Variants in LY75 observed in about 807,000 individuals in gnomAD.
LY75 encodes the protein C-type lectin domain family 13 member B.
LY75 carries 185 observed loss-of-function variants against 231.7 expected under a neutral mutation model. The ratio of observed to expected loss-of-function variants is 0.80; its 90% CI spans 0.71 to 0.90. The LOEUF (loss-of-function observed/expected upper bound fraction) is 0.90. Among genes scored for constraint, LY75 ranks in the 40% least tolerant of loss-of-function variants. The probability of loss-of-function intolerance (pLI) is 0.00; values close to 1 mark genes in which losing one functional copy is unlikely to be tolerated. For missense variants in LY75, 1,947 were observed against 2,050.2 expected (o/e 0.95, Z 0.97); for synonymous variants, 668 against 689.0 (o/e 0.97, Z 0.48).
intron 32 of LY75, among the ~76,000 whole-genome samples, chr2:159,809,112 G>T (rs749232724): frequency 7.2e-5 from 11 of 152,138 alleles, no homozygotes; most frequent in Non-Finnish European, 1.0e-4. Context: ...CCACACAAAA[G>T]TTCCCGGTAA....
At chr2:159,885,782 C>T (rs1685565745) in intron 5 of LY75, among the ~76,000 whole-genome samples, 1 of 152,106 alleles carries the variant, frequency 6.6e-6, no homozygotes, top group African/African-American at 2.4e-5. Flanking sequence ...TTGCTCTTAA[C>T]TCAGTTTTCC....
chr2:159,854,815 G>C lies in LY75; in HGVS notation c.2419+89C>G, dbSNP rs1316317220. ...ATTTTGTCTCACTTGAAGATGTATA[G>C]AGAAGAAGCTGGCACTTAAATAATT... On this transcript the variant is annotated intron_variant, in intron 17 of 34. Coordinates refer to ENST00000263636, the MANE Select transcript of LY75 (RefSeq NM_002349.4). 4 of 1,540,842 alleles carry C rather than the reference G, an allele frequency of 2.6e-6. No individual in the cohort carries two copies. The East Asian group carries it at 9.5e-5, about 37-fold the overall frequency.
At chr2:159,850,773 C>CAT (rs67887100) in intron 21 of LY75, among the ~76,000 whole-genome samples, 3,939 of 27,044 alleles carry the variant, frequency 0.15, 488 homozygotes, top group African/African-American at 0.27. Context: ...TTCAAACTTT[C>CAT]ATATATATAT....
intron 28 of LY75, among the ~76,000 whole-genome samples, chr2:159,822,443 C>G (rs1683327181): frequency 6.6e-6 from 1 of 152,212 alleles, no homozygotes; most frequent in African/African-American, 2.4e-5. Context: ...CTGGGTGGAG[C>G]CCACTGCAGC....
chr2:159,900,268 G>A (rs988775346), intron 1 of LY75, among the ~76,000 whole-genome samples: 2 of 152,328 alleles, frequency 1.3e-5, no homozygotes, highest in Admixed American at 1.3e-4. Flanking sequence ...TGAAAATAAA[G>A]TAATGCATTG....
intron 28 of LY75, among the ~76,000 whole-genome samples, chr2:159,826,930 C>T (rs1401798163): frequency 2.0e-5 from 3 of 152,120 alleles, no homozygotes; most frequent in African/African-American, 7.2e-5. Context: ...CTGGACCCCC[C>T]TTCCTCACAC....
intron 13 of LY75, 149 bp downstream of exon 13, chr2:159,872,302 T>C: frequency 1.0e-6 from 1 of 972,412 alleles, no homozygotes; most frequent in Non-Finnish European, 1.5e-6. Context: ...GTGCTTAATG[T>C]TCCATGACTG....
rs1683668669 is a variant in LY75 at position 159,831,794 on chromosome 2, A to G, written c.3842-8T>C. 3 of 1,588,474 alleles carry G rather than the reference A, an allele frequency of 1.9e-6. No homozygotes were observed. The highest frequency in any genetic ancestry group is 1.2e-5 in the South Asian group (1 of 86,730). On this transcript the variant is annotated splice_region_variant and splice_polypyrimidine_tract_variant and intron_variant, in intron 27 of 34. Coordinates refer to ENST00000263636, the MANE Select transcript of LY75 (RefSeq NM_002349.4). ...GAATATGTGATTTTGGATCTGTTGA[A>G]TAAAAAATAATCAATAATTTTAACA...
rs778067734 is a variant in LY75, at chr2:159,872,542, G to A, written c.2026C>T (p.Arg676Ter). 58 of 1,613,808 alleles carry A rather than the reference G, an allele frequency of 3.6e-5. No individual in the cohort carries two copies. Among genetic ancestry groups the A allele is most frequent in the Admixed American group, 5.0e-5 (3 of 59,966 alleles). The change falls in exon 13 of 35, where the codon CGA (arginine) becomes TGA (stop). Residue 676 changes from arginine (R) to a stop codon, truncating the protein, a stop_gained. Transcript: ENST00000263636. LOFTEE classifies it high-confidence loss of function. ...TGTGCTCCAAGGGCTTGGCAGAATC[G>A]TTCAGCTTCTTCCCAGTTCCTCTTT... ...VRKRNWEEAE[R>*]FCQALGAHLS... is the part of the protein sequence containing the mutation.
chr2:159,813,502 A>G (rs538891247), intron 31 of LY75, among the ~76,000 whole-genome samples: 3 of 152,158 alleles, frequency 2.0e-5, no homozygotes, highest in African/African-American at 7.2e-5. Flanking sequence ...ATTGGTTTTC[A>G]TTGGAGGCTG....
Position 159,835,476 on chromosome 2 carries a change from A to T in LY75, c.3673+4T>A. The T allele has an allele frequency of 1.9e-6, 3 of 1,583,344 alleles. No homozygotes were observed. The highest frequency in any genetic ancestry group is 2.6e-6 in the Non-Finnish European group (3 of 1,168,776). On this transcript the variant is annotated splice_donor_region_variant and intron_variant, in intron 26 of 34. Transcript: ENST00000263636. ...AAGAATTAAAAGATCTGAAATTCAC[A>T]TACTTCCTGAATAGTAGCAAATAGC...
rs78351165 is a variant in LY75, at chr2:159,813,243, A to T, written c.4549+2162T>A. Among the ~76,000 whole-genome samples the T allele has an allele frequency of 5.0e-3, 755 of 152,008 alleles. 8 individuals are homozygous for T. Among genetic ancestry groups the T allele is most frequent in the African/African-American group, 0.017 (715 of 41,468 alleles). On this transcript the variant is annotated intron_variant, in intron 31 of 34. Coordinates refer to ENST00000263636, the MANE Select transcript of LY75 (RefSeq NM_002349.4). ...GAAGAATTGCCACACCATTTTGCAC[A>T]GTGGTTACACTGTTTTATATTCCTA... is the stretch of plus-strand genomic sequence containing the variant.
At chr2:159,858,260 A>G in intron 16 of LY75, 102 bp downstream of exon 16, 6 of 1,411,498 alleles carry the variant, frequency 4.3e-6, no homozygotes, top group Non-Finnish European at 5.7e-6. Flanking sequence ...ATAGGCTTTT[A>G]GACATCAGAA....
rs1317029539 is a variant in LY75 at position 159,808,548 on chromosome 2, T to C, written c.4723A>G (p.Ile1575Val). Residue 1575 changes from isoleucine (I) to valine (V), a missense_variant, in exon 33 of 35, where the codon ATA (isoleucine) becomes GTA (valine). Coordinates refer to ENST00000263636, the MANE Select transcript of LY75 (RefSeq NM_002349.4). ...KHDHSATIVSIKDEDENKFVS... is the reference protein window; with the variant it reads ...KHDHSATIVSVKDEDENKFVS... ...AATTTATTCTCATCTTCATCTTTTATGGAAACGATAGTTGCAGAGTGATCT... is the reference window on the plus strand; with the variant it reads ...AATTTATTCTCATCTTCATCTTTTACGGAAACGATAGTTGCAGAGTGATCT... The C allele has an allele frequency of 1.9e-6, 3 of 1,613,704 alleles. No individual in the cohort carries two copies. Among genetic ancestry groups the C allele is most frequent in the Non-Finnish European group, 1.7e-6 (2 of 1,179,952 alleles).
chr2:159,868,943 T>G lies in LY75; in HGVS notation c.2117+3508A>C, dbSNP rs555959110. Among the ~76,000 whole-genome samples, 242 of 152,166 alleles carry G rather than the reference T, an allele frequency of 1.6e-3. 1 individual carries two copies. Among genetic ancestry groups the G allele is most frequent in the Non-Finnish European group, 1.9e-3 (127 of 68,000 alleles). On this transcript the variant is annotated intron_variant, in intron 13 of 34. Coordinates refer to ENST00000263636, the MANE Select transcript of LY75 (RefSeq NM_002349.4). ...TATTTGAAAGGCCATGCCCCACACA[T>G]ATACACCATGGAATACTATGCAGCC...
In LY75 at chr2:159,835,601, A is replaced by T. The variant is rs568614305; in HGVS notation, c.3552T>A (p.Phe1184Leu). The T allele has an allele frequency of 6.2e-7, 1 of 1,613,812 alleles. No individual in the cohort carries two copies. The highest frequency in any genetic ancestry group is 1.1e-5 in the South Asian group (1 of 90,966). ...GCCCATTAGTTTCAGCCCAGCGACT[A>T]AAATGAAGACGTTTCCCATCTGACC... ...FGWSDGKRLH[F>L]SRWAETNGQL... Residue 1184 changes from phenylalanine (F) to leucine (L), a missense_variant, in exon 26 of 35, where the codon TTT becomes TTA. Transcript: ENST00000263636.
Position 159,850,773 on chromosome 2 carries a change from CATATAT to C in LY75, c.2884-312_2884-307del, listed in dbSNP as rs67887100. Reference sequence around the variant, plus strand: ...AACTGAAGAGCGGTCTTCAAACTTTCATATATATATATATATATATATATATTATAT... The same window carrying C: ...AACTGAAGAGCGGTCTTCAAACTTTCATATATATATATATATATATTATAT... On this transcript the variant is annotated intron_variant, in intron 21 of 34. Transcript: ENST00000263636. Among the ~76,000 whole-genome samples, 93 of 27,164 alleles carry C rather than the reference CATATAT, an allele frequency of 3.4e-3. 15 individuals are homozygous for C. Among genetic ancestry groups the C allele is most frequent in the African/African-American group, 9.7e-3 (88 of 9,074 alleles). 17.8% of individuals were successfully genotyped at this position (27,164 alleles called of 152,430 possible).
rs139909222 is a variant in LY75, at chr2:159,852,245, C to G, written c.2839G>C (p.Ala947Pro). The change falls in exon 21 of 35, where the codon GCT becomes CCT. Residue 947 changes from alanine (A) to proline (P), a missense_variant. Transcript: ENST00000263636. The stretch of plus-strand genomic sequence containing the variant: ...CATTGCTCAGAACATTGCACTTTAG[C>G]TGCAGAATCTGGGCTGTATTTCTCT... ...SLEKYSPDSA[A>P]KVQCSEQWIP... The G allele has an allele frequency of 1.5e-4, 241 of 1,613,902 alleles. 1 individual carries two copies. The highest frequency in any genetic ancestry group is 3.4e-4 in the South Asian group (31 of 91,088).
Position 159,860,867 on chromosome 2 carries a change from T to C in LY75, c.2222A>G (p.Asn741Ser), listed in dbSNP as rs1684681053. 6.2e-7 allele frequency: 1 copy of C among 1,613,824 alleles called. No individual in the cohort carries two copies. Among genetic ancestry groups the C allele is most frequent in the South Asian group, 1.1e-5 (1 of 91,084 alleles). Residue 741 changes from asparagine to serine, a missense_variant, in exon 15 of 35, where the codon AAT (asparagine) becomes AGT (serine). By Grantham distance (46) the Asn-to-Ser change is conservative (BLOSUM62 1). Coordinates refer to ENST00000263636, the MANE Select transcript of LY75 (RefSeq NM_002349.4). ...GATGTCATAATCCTGCTGAAACTCA[T>C]TTGGCATGATAATAGTAGACACCTG... Reference protein sequence around the residue: ...RTPVSTIIMPNEFQQDYDIRD... With the variant: ...RTPVSTIIMPSEFQQDYDIRD...
Sources: allele counts gnomAD v4.1 joint callset (sites outside exome capture counted in the v4.1 genomes callset), GRCh38; gene constraint gnomAD v4.1.1; transcripts MANE v1.5; gene names NCBI Gene and HGNC (gene_info 2026-07-23, HGNC 2026-07-21).